The following TMEM175 variants were observed in gnomAD, a reference collection of about 807,000 sequenced individuals.
The protein encoded by TMEM175 is endosomal/lysosomal proton channel TMEM175.
A neutral mutation model predicts 36.5 loss-of-function variants in TMEM175; 36 were observed. The ratio of observed to expected loss-of-function variants is 0.99; its 90% CI spans 0.76 to 1.30. TMEM175 has a LOEUF of 1.30. Among genes scored for constraint, TMEM175 ranks in the 50% most tolerant of loss-of-function variants. The pLI is 0.00. For synonymous variants in TMEM175, 339 were observed against 313.4 expected (o/e 1.08, Z -0.86); for missense variants, 705 against 692.8 (o/e 1.02, Z -0.20).
At chr4:937,046 C>G (rs7659251) in intron 1 of TMEM175, among the ~76,000 whole-genome samples, 2 of 151,882 alleles carry the variant, frequency 1.3e-5, no homozygotes, top group African/African-American at 4.8e-5. Flanking sequence ...TTTGTGTTAT[C>G]TAACCATCTT....
At chr4:944,369 G>C (rs964321528) in intron 1 of TMEM175, among the ~76,000 whole-genome samples, 12 of 152,172 alleles carry the variant, frequency 7.9e-5, no homozygotes, top group Admixed American at 7.9e-4. Context: ...GCTTGGGGTT[G>C]GGGAAGCTTG....
intron 3 of TMEM175, chr4:948,651 C>T (rs10516158): frequency 0.1 from 128,752 of 1,229,464 alleles, 7,790 homozygotes; most frequent in South Asian, 0.23. Flanking sequence ...GAGTTTCCAC[C>T]TTGACTGTTT....
rs781707356 is a variant in TMEM175, at chr4:955,735, C to T, written c.707-20C>T. On this transcript the variant is annotated intron_variant, in intron 9 of 10. Transcript: ENST00000264771. ...CACATGGGGGGTTTGGCCAGCTCCA[C>T]CCTCCTGGCGTGTCCCCAGGCCACA... The T allele has an allele frequency of 1.9e-6, 3 of 1,608,848 alleles. No individual in the cohort carries two copies. Among genetic ancestry groups the T allele is most frequent in the Non-Finnish European group, 8.5e-7 (1 of 1,176,892 alleles).
Position 953,237 on chromosome 4 carries a change from G to T in TMEM175, c.510G>T (p.Pro170=). Residue 170 remains proline, a synonymous_variant, in exon 8 of 11, where the codon CCG becomes CCT. Transcript: ENST00000264771. ...TCCACTTCCCGCACCTGCTGAGCCC[G>T]CAGATCCAGCGCTCTGCCCACAGGG... is the stretch of plus-strand genomic sequence containing the variant. ...YAFHFPHLLS[P]QIQRSAHRAL... is the part of the protein sequence containing the mutation. 6.2e-7 allele frequency: 1 copy of T among 1,613,562 alleles called. No individual in the cohort carries two copies. Among genetic ancestry groups the T allele is most frequent in the Admixed American group, 1.7e-5 (1 of 59,962 alleles).
At chr4:947,367 T>C (rs999208335) in intron 1 of TMEM175, among the ~76,000 whole-genome samples, 8 of 152,152 alleles carry the variant, frequency 5.3e-5, no homozygotes, top group South Asian at 2.1e-4. Flanking sequence ...CCCCGCAGGG[T>C]GCTGTGTTCC....
intron 10 of TMEM175, among the ~76,000 whole-genome samples, chr4:956,133 T>C (rs982301263): frequency 6.7e-5 from 9 of 134,974 alleles, no homozygotes; most frequent in Admixed American, 4.2e-4. Flanking sequence ...CAGCCGAGGA[T>C]GGGGTGCCAG....
Position 955,879 on chromosome 4 carries a change from C to G in TMEM175, c.831C>G (p.Ile277Met). ...ACGCCATCGTGGCCACGCTTCTCAT[C>G]CTGGACATCTGGTGAGGACCCCGCG... Reference protein sequence around the residue: ...GVYAIVATLLILDICEDNVPD... With the variant: ...GVYAIVATLLMLDICEDNVPD... Residue 277 changes from isoleucine to methionine, a missense_variant, in exon 10 of 11, where the codon ATC becomes ATG. By Grantham distance (10) the Ile-to-Met change is conservative. Transcript: ENST00000264771. 6.2e-7 allele frequency: 1 copy of G among 1,613,750 alleles called. No homozygotes were observed. The highest frequency in any genetic ancestry group is 8.5e-7 in the Non-Finnish European group (1 of 1,179,740).
At chr4:948,426 C>G in intron 3 of TMEM175, 1 of 1,512,388 alleles carries the variant, frequency 6.6e-7, no homozygotes, top group South Asian at 1.2e-5. Flanking sequence ...AAAGGCAGCA[C>G]CCTGGAAGTG....
At chr4:940,241 G>A (rs1016656086) in intron 1 of TMEM175, among the ~76,000 whole-genome samples, 4 of 152,178 alleles carry the variant, frequency 2.6e-5, no homozygotes, top group Admixed American at 6.5e-5. Flanking sequence ...CTGAGGTCTG[G>A]AGTTCGAGAC....
chr4:953,322 G>C lies in TMEM175; in HGVS notation c.595G>C (p.Ala199Pro). ...VLQGPALCFA[A>P]AIFSLFFVPL... ...CCAAGGCCCGGCCCTGTGCTTTGCA[G>C]CGGCCATCTTCTCTCTCTTCTTTGT... The change falls in exon 8 of 11, where the codon GCG becomes CCG. Residue 199 changes from alanine to proline, a missense_variant. Transcript: ENST00000264771. The C allele has an allele frequency of 6.2e-7, 1 of 1,613,742 alleles. No homozygotes were observed. The highest frequency in any genetic ancestry group is 8.5e-7 in the Non-Finnish European group (1 of 1,179,786).
chr4:943,763 C>A (rs1294147918), intron 1 of TMEM175, among the ~76,000 whole-genome samples: 2 of 152,220 alleles, frequency 1.3e-5, no homozygotes, highest in Non-Finnish European at 2.9e-5. Flanking sequence ...ACACAAATGC[C>A]TGTGTGCAAA....
intron 10 of TMEM175, 57 bp downstream of exon 10, chr4:955,947 C>G (rs1577449426): frequency 1.0e-5 from 16 of 1,586,176 alleles, no homozygotes; most frequent in Non-Finnish European, 1.3e-5. Flanking sequence ...TCTTGAGTCC[C>G]TGGCGTCTCA....
intron 1 of TMEM175, among the ~76,000 whole-genome samples, chr4:935,329 G>A (rs942032326): frequency 1.5e-4 from 23 of 152,144 alleles, no homozygotes; most frequent in African/African-American, 5.6e-4. Flanking sequence ...CTTAGATACT[G>A]CTACATGTAT....
intron 5 of TMEM175, 60 bp from the exon 6 acceptor site, chr4:951,622 C>T: frequency 6.2e-7 from 1 of 1,611,218 alleles, no homozygotes; most frequent in Non-Finnish European, 8.5e-7. Context: ...TGGGCTCTGT[C>T]CATTCCCCTG....
chr4:956,128 G>A (rs1350736183), intron 10 of TMEM175, among the ~76,000 whole-genome samples: 8 of 132,386 alleles, frequency 6.0e-5, no homozygotes, highest in African/African-American at 2.6e-4. Context: ...AAGCACAGCC[G>A]AGGATGGGGT....
chr4:935,946 T>C (rs1188523884), intron 1 of TMEM175, among the ~76,000 whole-genome samples: 3 of 152,218 alleles, frequency 2.0e-5, no homozygotes, highest in Admixed American at 6.5e-5. Context: ...AATTAGAAAG[T>C]ATTTTGAACA....
At position 956,283 on chromosome 4, in the gene TMEM175, C is replaced by T. The variant is rs117631192; in HGVS notation, c.842+393C>T. 1,074 of 1,280,682 alleles carry T rather than the reference C, an allele frequency of 8.4e-4. 22 individuals are homozygous for T. The East Asian group carries it at 0.036, about 43-fold the overall frequency. 79.3% of individuals were successfully genotyped at this position (1,280,682 alleles called of 1,614,324 possible). A position where few individuals can be genotyped will look rare whatever the true frequency, so the allele number is the denominator to read the frequency against. ...AGTCCCTAGTCCCTCCCATTCCCTC[C>T]GGCTCCCTCCCAGTGCCCCCCATCG... On this transcript the variant is annotated intron_variant, in intron 10 of 10. Coordinates refer to ENST00000264771, the MANE Select transcript of TMEM175 (RefSeq NM_032326.4).
At chr4:950,346 C>A in intron 3 of TMEM175, 75 bp from the exon 4 acceptor site, 1 of 1,242,376 alleles carries the variant, frequency 8.0e-7, no homozygotes, top group South Asian at 1.2e-5. Context: ...AGCCCCCCCT[C>A]ACGGTGCTGT....
chr4:948,447 C>A (rs1577416468), intron 3 of TMEM175: 1 of 1,489,440 alleles, frequency 6.7e-7, no homozygotes. Context: ...AGCCAGAGGA[C>A]AGGTTGGAAG....
Sources: gnomAD v4.1 joint callset for allele counts (sites outside exome capture counted in the v4.1 genomes callset) on GRCh38, gnomAD v4.1.1 for gene constraint, MANE v1.5 for transcripts, NCBI Gene and HGNC (gene_info 2026-07-23, HGNC 2026-07-21) for gene names.